Variants in MRPS35 observed in about 807,000 individuals in gnomAD.
MRPS35 encodes small ribosomal subunit protein mS35.
In MRPS35, 29 loss-of-function variants were observed where a neutral mutation model predicts 32.7. That is an observed-to-expected ratio of 0.89 (90% confidence interval 0.66 to 1.21). The LOEUF (loss-of-function observed/expected upper bound fraction) is 1.21. MRPS35 is among the 50% of genes most tolerant of loss of function. The pLI is 0.00. For synonymous variants in MRPS35, 148 were observed against 139.3 expected (o/e 1.06, Z -0.44); for missense variants, 373 against 383.8 (o/e 0.97, Z 0.23).
intron 7 of MRPS35, among the ~76,000 whole-genome samples, chr12:27,752,158 A>C (rs1436795313): frequency 6.6e-6 from 1 of 152,108 alleles, no homozygotes; most frequent in Non-Finnish European, 1.5e-5. Flanking sequence ...AGGCTGAGGC[A>C]GGAGGGTCCT....
At chr12:27,728,596 C>T (rs1270022278) in intron 5 of MRPS35, among the ~76,000 whole-genome samples, 2 of 152,100 alleles carry the variant, frequency 1.3e-5, no homozygotes, top group South Asian at 4.1e-4. Context: ...CCCCTATTGC[C>T]TTACAAAATG....
intron 7 of MRPS35, among the ~76,000 whole-genome samples, chr12:27,739,886 G>A (rs1057256262): frequency 6.6e-6 from 1 of 152,162 alleles, no homozygotes; most frequent in African/African-American, 2.4e-5. Context: ...ATCCAAACAG[G>A]GTTGCATTCT....
At position 27,755,303 on chromosome 12, in the gene MRPS35, T is replaced by C; in HGVS notation, c.825T>C (p.Asn275=). 5 of 1,612,378 alleles carry C rather than the reference T, an allele frequency of 3.1e-6. No homozygotes were observed. Among genetic ancestry groups the C allele is most frequent in the Non-Finnish European group, 4.2e-6 (5 of 1,179,674 alleles). ...TLLQMKAAEK[N]MEINKEELLG... ...TCCAGATGAAAGCTGCTGAGAAAAA[T>C]ATGGAAATAAATAAAGAAGAGCTCC... The change falls in exon 8 of 8, where the codon AAT becomes AAC. Residue 275 remains asparagine (N), a synonymous_variant. Coordinates refer to ENST00000081029, the MANE Select transcript of MRPS35 (RefSeq NM_021821.4).
chr12:27,752,084 A>T (rs1005356596), intron 7 of MRPS35, among the ~76,000 whole-genome samples: 11 of 88,928 alleles, frequency 1.2e-4, no homozygotes, highest in East Asian at 3.0e-4. Flanking sequence ...CTACAAAAAA[A>T]AAAATAAAAT....
At chr12:27,722,506 T>G (rs2061880687) in intron 4 of MRPS35, among the ~76,000 whole-genome samples, 1 of 151,680 alleles carries the variant, frequency 6.6e-6, no homozygotes, top group African/African-American at 2.4e-5. Flanking sequence ...TGAAATGACT[T>G]ATTCACATTT....
At chr12:27,724,981 A>G (rs2061893795) in intron 5 of MRPS35, among the ~76,000 whole-genome samples, 1 of 152,178 alleles carries the variant, frequency 6.6e-6, no homozygotes, top group South Asian at 2.1e-4. Context: ...TAGTGGCACT[A>G]ACATAGCTCA....
At chr12:27,718,604 C>A (rs11049109) in intron 3 of MRPS35, among the ~76,000 whole-genome samples, 145,556 of 152,298 alleles carry the variant, frequency 0.96, 69,556 homozygotes, top group East Asian at 1. Context: ...ACCTTTCCTG[C>A]ATTTTCATTC....
intron 3 of MRPS35, among the ~76,000 whole-genome samples, chr12:27,718,114 A>G (rs1030987322): frequency 6.6e-6 from 1 of 152,170 alleles, no homozygotes; most frequent in Non-Finnish European, 1.5e-5. Context: ...TTCAGTGCCT[A>G]TTTTCTCTTG....
chr12:27,755,408 T>C lies in MRPS35; in HGVS notation c.930T>C (p.Ser310=). The change falls in exon 8 of 8, where the codon TCT becomes TCC. Residue 310 remains serine, a synonymous_variant. Transcript: ENST00000081029. The part of the protein sequence containing the change: ...KNEEENENSI[S]QYKESVKRLL... ...AGGAGGAAAATGAAAATTCCATTTC[T>C]CAGTACAAAGAATCCGTGAAGAGAC... 1 of 1,594,612 alleles carries C rather than the reference T, an allele frequency of 6.3e-7. No individual in the cohort carries two copies. The highest frequency in any genetic ancestry group is 2.2e-5 in the East Asian group (1 of 44,658).
At position 27,724,154 on chromosome 12, in the gene MRPS35, C is replaced by A; in HGVS notation, c.490C>A (p.Arg164=). The stretch of plus-strand genomic sequence containing the variant: ...TTATGTTTCATCAGGACCATCTGTT[C>A]GGAACCCCAGAGCACGAGTAGTAGT... The part of the protein sequence containing the change: ...TDYVSSGPSV[R]NPRARVVVLR... Residue 164 remains arginine, a synonymous_variant, in exon 5 of 8, where the codon CGG becomes AGG. Transcript: ENST00000081029. The A allele has an allele frequency of 6.2e-7, 1 of 1,603,134 alleles. No homozygotes were observed. Among genetic ancestry groups the A allele is most frequent in the Non-Finnish European group, 8.5e-7 (1 of 1,176,346 alleles).
intron 5 of MRPS35, among the ~76,000 whole-genome samples, chr12:27,732,214 C>T (rs1003121861): frequency 5.3e-5 from 8 of 152,170 alleles, no homozygotes; most frequent in Admixed American, 3.9e-4. Flanking sequence ...TCTTAATTTA[C>T]GTTATTCACC....
chr12:27,715,786 T>C (rs1566046681), intron 2 of MRPS35, among the ~76,000 whole-genome samples: 4 of 152,202 alleles, frequency 2.6e-5, no homozygotes, highest in Non-Finnish European at 5.9e-5. Context: ...GTTAATGTGA[T>C]TGACTAAGCT....
intron 6 of MRPS35, among the ~76,000 whole-genome samples, chr12:27,735,786 A>C (rs561058520): frequency 2.4e-4 from 36 of 152,346 alleles, no homozygotes; most frequent in African/African-American, 8.2e-4. Flanking sequence ...TTTAACCTTG[A>C]TTTTAATATT....
At chr12:27,727,107 C>T (rs2061903811) in intron 5 of MRPS35, among the ~76,000 whole-genome samples, 1 of 151,852 alleles carries the variant, frequency 6.6e-6, no homozygotes, top group Non-Finnish European at 1.5e-5. Context: ...ACTACAGGCA[C>T]CCGCCACCAC....
At chr12:27,746,520 A>G (rs1165410259) in intron 7 of MRPS35, among the ~76,000 whole-genome samples, 3 of 152,208 alleles carry the variant, frequency 2.0e-5, no homozygotes, top group African/African-American at 7.2e-5. Flanking sequence ...GGTGGTAATT[A>G]GAATGAAAGG....
intron 1 of MRPS35, among the ~76,000 whole-genome samples, chr12:27,712,055 G>A (rs1354895973): frequency 6.6e-6 from 1 of 151,882 alleles, no homozygotes; most frequent in East Asian, 1.9e-4. Context: ...AGAGTATTGA[G>A]AATGATGGAT....
chr12:27,718,318 T>G (rs938187086), intron 3 of MRPS35, among the ~76,000 whole-genome samples: 1 of 152,136 alleles, frequency 6.6e-6, no homozygotes, highest in African/African-American at 2.4e-5. Context: ...TCCCAGCTAC[T>G]TGGGAGACTG....
intron 4 of MRPS35, among the ~76,000 whole-genome samples, chr12:27,723,652 T>C (rs1293126168): frequency 1.3e-5 from 2 of 152,218 alleles, no homozygotes; most frequent in African/African-American, 4.8e-5. Context: ...CCTTTAGTAA[T>C]TAATACTATC....
intron 7 of MRPS35, 71 bp from the exon 8 acceptor site, chr12:27,755,110 G>A: frequency 7.0e-7 from 1 of 1,432,076 alleles, no homozygotes; most frequent in Non-Finnish European, 9.3e-7. Context: ...AGAAAGAAAG[G>A]AAGAAACAAA....
Sources: allele counts gnomAD v4.1 joint callset (sites outside exome capture counted in the v4.1 genomes callset), GRCh38; gene constraint gnomAD v4.1.1; transcripts MANE v1.5; gene names NCBI Gene and HGNC (gene_info 2026-07-23, HGNC 2026-07-21).